Variants in CHN2 observed in about 807,000 individuals in gnomAD.
CHN2 encodes the protein chimerin 2.
CHN2 carries 35 observed loss-of-function variants against 56.3 expected under a neutral mutation model. The observed-to-expected ratio is 0.62, with a 90% CI of 0.47 to 0.82. CHN2 has a LOEUF of 0.82. Among genes scored for constraint, CHN2 ranks in the 40% least tolerant of loss-of-function variants. The probability of loss-of-function intolerance (pLI) is 0.00; values close to 1 mark genes in which losing one functional copy is unlikely to be tolerated. For missense variants in CHN2, 491 were observed against 580.5 expected (o/e 0.85, Z 1.58); for synonymous variants, 210 against 212.8 (o/e 0.99, Z 0.12).
chr7:29,354,123 A>G (rs549810753), intron 1 of CHN2, among the ~76,000 whole-genome samples: 4 of 152,244 alleles, frequency 2.6e-5, no homozygotes, highest in Non-Finnish European at 5.9e-5. Flanking sequence ...CAATGGAATC[A>G]TCAGTGTCTC....
At position 29,371,268 on chromosome 7, in the gene CHN2, A is replaced by G. The variant is rs187840225; in HGVS notation, c.144+3281A>G. On this transcript the variant is annotated intron_variant, in intron 3 of 12. Coordinates refer to ENST00000222792, the MANE Select transcript of CHN2 (RefSeq NM_004067.4). The stretch of plus-strand genomic sequence containing the variant: ...CCAGGTCCGGAATTAAGCAACCAGG[A>G]AAAAAGATACTGAGGATGAGGAACA... Among the ~76,000 whole-genome samples, 228 of 152,348 alleles carry G rather than the reference A, an allele frequency of 1.5e-3. 2 individuals carry two copies. The highest frequency in any genetic ancestry group is 5.2e-3 in the African/African-American group (217 of 41,578).
intron 1 of CHN2, among the ~76,000 whole-genome samples, chr7:29,291,743 T>G (rs1406430402): frequency 6.6e-6 from 1 of 152,190 alleles, no homozygotes; most frequent in Admixed American, 6.5e-5. Flanking sequence ...ATGTTTTTTT[T>G]AAGTATTAAA....
intron 3 of CHN2, among the ~76,000 whole-genome samples, chr7:29,383,615 A>G (rs570471204): frequency 6.6e-6 from 1 of 152,334 alleles, no homozygotes; most frequent in African/African-American, 2.4e-5. Flanking sequence ...AAAATTGATC[A>G]TCATAACACA....
At chr7:29,188,847 C>A (rs985719094) in intron 2 of CHN2, among the ~76,000 whole-genome samples, 1 of 151,926 alleles carries the variant, frequency 6.6e-6, no homozygotes, top group Admixed American at 6.6e-5. Flanking sequence ...ATTTCTATAG[C>A]TATTTTAAAA....
rs542886021 is a variant in CHN2 at position 29,393,458 on chromosome 7, G to A, written c.145-221G>A. 3.3e-5 allele frequency among the ~76,000 whole-genome samples: 5 copies of A among 152,262 alleles called. No individual in the cohort carries two copies. The South Asian group carries it at 1.0e-3, about 32-fold the overall frequency. On this transcript the variant is annotated intron_variant, in intron 3 of 12. Coordinates refer to ENST00000222792, the MANE Select transcript of CHN2 (RefSeq NM_004067.4). ...GAAAATTCTCTTATTGGATGATTGG[G>A]TTTGGGTGGGAAATGAGCCTAATGA...
chr7:29,504,870 C>T (rs369811167), intron 10 of CHN2, 49 bp downstream of exon 10: 17 of 1,298,250 alleles, frequency 1.3e-5, no homozygotes, highest in East Asian at 6.9e-5. Context: ...ACACCCTTCT[C>T]GATTGGAAGT....
At chr7:29,201,984 A>T (rs1040696858) in intron 1 of CHN2, among the ~76,000 whole-genome samples, 3 of 152,222 alleles carry the variant, frequency 2.0e-5, no homozygotes, top group Non-Finnish European at 4.4e-5. Flanking sequence ...GAAAATGTTT[A>T]TAAACTCTGT....
At chr7:29,436,445 GCTGCCAA>G (rs756064292) in intron 6 of CHN2, among the ~76,000 whole-genome samples, 9 of 152,118 alleles carry the variant, frequency 5.9e-5, no homozygotes, top group Non-Finnish European at 1.3e-4. Flanking sequence ...TGGGAAAAAA[GCTGCCAA>G]CTTATAGGTG....
intron 1 of CHN2, among the ~76,000 whole-genome samples, chr7:29,211,590 T>C (rs1222937250): frequency 1.3e-5 from 2 of 152,036 alleles, no homozygotes; most frequent in African/African-American, 2.4e-5. Context: ...ATCTAAAAAC[T>C]ATCAGGGCCC....
At chr7:29,286,206 T>C (rs1378833633) in intron 1 of CHN2, among the ~76,000 whole-genome samples, 2 of 134,402 alleles carry the variant, frequency 1.5e-5, no homozygotes, top group South Asian at 2.4e-4. Flanking sequence ...TTCCATTCTC[T>C]CTCATCTTTT....
intron 1 of CHN2, chr7:29,336,053 G>A (rs1021808107): frequency 6.6e-6 from 1 of 152,250 alleles, no homozygotes; most frequent in African/African-American, 2.4e-5. Flanking sequence ...ACTCACTGGG[G>A]ACAGTCGTGA....
chr7:29,286,185 GC>G (rs1489945808), intron 1 of CHN2, among the ~76,000 whole-genome samples: 2 of 68,242 alleles, frequency 2.9e-5, no homozygotes, highest in African/African-American at 1.1e-4. Flanking sequence ...ATTCCCCCCC[GC>G]CCCCCATGAT....
chr7:29,472,281 A>ACACACACACACACACACACG lies in CHN2; in HGVS notation c.577-7981_577-7980insACGCACACACACACACACAC, dbSNP rs1554298692. ...GCTTTTCAAAACAAAATACACACAC[A>ACACACACACACACACACACG]CACACACACACACACACGCACACAC... On this transcript the variant is annotated intron_variant, in intron 6 of 12. Transcript: ENST00000222792. 4.9e-5 allele frequency among the ~76,000 whole-genome samples: 7 copies of ACACACACACACACACACACG among 143,502 alleles called. No individual in the cohort carries two copies. The South Asian group carries it at 6.9e-4, about 14-fold the overall frequency. The allele number at this position is 143,502 out of a possible 152,430, so 94.1% of individuals were successfully genotyped here. A position where few individuals can be genotyped will look rare whatever the true frequency, so the allele number is the denominator to read the frequency against.
At chr7:29,393,039 G>A (rs914095343) in intron 3 of CHN2, among the ~76,000 whole-genome samples, 6 of 152,168 alleles carry the variant, frequency 3.9e-5, no homozygotes, top group African/African-American at 1.2e-4. Flanking sequence ...ATGTATGTGA[G>A]AAAAATCAGA....
intron 2 of CHN2, among the ~76,000 whole-genome samples, chr7:29,188,933 T>C (rs1019178898): frequency 6.6e-6 from 1 of 150,640 alleles, no homozygotes; most frequent in Non-Finnish European, 1.5e-5. Context: ...AGCAAGGATA[T>C]AGTTTTCCTC....
At chr7:29,231,259 C>T (rs566204120) in intron 1 of CHN2, among the ~76,000 whole-genome samples, 1 of 152,232 alleles carries the variant, frequency 6.6e-6, no homozygotes, top group Admixed American at 6.5e-5. Flanking sequence ...TTAAATACTG[C>T]CACGGTACTC....
intron 1 of CHN2, among the ~76,000 whole-genome samples, chr7:29,252,591 T>TG (rs1352958729): frequency 6.4e-4 from 16 of 25,096 alleles, no homozygotes; most frequent in Admixed American, 1.6e-3. Flanking sequence ...TTTTTTTTTT[T>TG]TTTTTTTTTT....
intron 1 of CHN2, among the ~76,000 whole-genome samples, chr7:29,232,978 G>A (rs750186551): frequency 2.6e-5 from 4 of 151,990 alleles, no homozygotes; most frequent in African/African-American, 7.3e-5. Flanking sequence ...TCCTTATTTA[G>A]CTTGAAAATT....
intron 6 of CHN2, among the ~76,000 whole-genome samples, chr7:29,404,920 G>A (rs1464967141): frequency 6.6e-6 from 1 of 151,944 alleles, no homozygotes; most frequent in African/African-American, 2.4e-5. Flanking sequence ...TCCCTTGAAG[G>A]ATGCAAGAGC....
Sources: gnomAD v4.1 joint callset for allele counts (sites outside exome capture counted in the v4.1 genomes callset) on GRCh38, gnomAD v4.1.1 for gene constraint, MANE v1.5 for transcripts, NCBI Gene and HGNC (gene_info 2026-07-23, HGNC 2026-07-21) for gene names.